DPYD: variants seen among roughly 807,000 people sequenced by gnomAD.
The protein encoded by DPYD is dihydropyrimidine dehydrogenase.
A neutral mutation model predicts 116.2 loss-of-function variants in DPYD; 109 were observed. The observed-to-expected ratio is 0.94, with a 90% CI of 0.80 to 1.10. The LOEUF is 1.10. Among genes scored for constraint, DPYD ranks in the 50% least tolerant of loss-of-function variants. The pLI is 0.00. For missense variants in DPYD, 1,302 were observed against 1,254.5 expected (o/e 1.04, Z -0.57); for synonymous variants, 440 against 432.0 (o/e 1.02, Z -0.23).
intron 20 of DPYD, among the ~76,000 whole-genome samples, chr1:97,136,846 T>G (rs1653843534): frequency 6.6e-6 from 1 of 152,166 alleles, no homozygotes; most frequent in South Asian, 2.1e-4. Context: ...TTTTTTGTTT[T>G]TTTCAATGCC....
chr1:97,725,693 G>A (rs1277059790), intron 4 of DPYD, among the ~76,000 whole-genome samples: 1 of 151,502 alleles, frequency 6.6e-6, no homozygotes, highest in Admixed American at 6.6e-5. Context: ...CAATTCAATT[G>A]GAAAGAATAT....
chr1:97,639,776 C>T (rs1657778009), intron 8 of DPYD, among the ~76,000 whole-genome samples: 1 of 152,118 alleles, frequency 6.6e-6, no homozygotes, highest in Admixed American at 6.6e-5. Context: ...TTCCAATTAT[C>T]TCATTGTTAA....
intron 14 of DPYD, among the ~76,000 whole-genome samples, chr1:97,405,264 A>T (rs947173202): frequency 6.6e-6 from 1 of 152,100 alleles, no homozygotes; most frequent in Non-Finnish European, 1.5e-5. Flanking sequence ...TTTACCTTAA[A>T]TTATTCCTTC....
At chr1:97,848,828 T>C (rs1670436512) in intron 2 of DPYD, among the ~76,000 whole-genome samples, 1 of 152,220 alleles carries the variant, frequency 6.6e-6, no homozygotes, top group Non-Finnish European at 1.5e-5. Flanking sequence ...TCGGGATTTT[T>C]TTCTGTGTAT....
intron 2 of DPYD, among the ~76,000 whole-genome samples, chr1:97,853,597 A>G (rs750758344): frequency 2.0e-5 from 3 of 152,226 alleles, no homozygotes; most frequent in Non-Finnish European, 2.9e-5. Context: ...CTATTAAACC[A>G]TATGAATAAA....
chr1:97,272,602 T>C (rs1557989425), intron 18 of DPYD, among the ~76,000 whole-genome samples: 3 of 152,176 alleles, frequency 2.0e-5, no homozygotes, highest in Non-Finnish European at 4.4e-5. Context: ...AAACTTTCCA[T>C]GGTGCTGAAC....
intron 20 of DPYD, among the ~76,000 whole-genome samples, chr1:97,153,991 ATGT>A (rs137892084): frequency 2.6e-4 from 38 of 147,738 alleles, no homozygotes; most frequent in African/African-American, 8.0e-4. Flanking sequence ...AAAAAAAAAG[ATGT>A]TGGCGTGGAT....
chr1:97,859,181 C>T (rs1371262107), intron 2 of DPYD, among the ~76,000 whole-genome samples: 1 of 152,016 alleles, frequency 6.6e-6, no homozygotes, highest in African/African-American at 2.4e-5. Flanking sequence ...AAGCAATACT[C>T]TTTTTAAATA....
intron 16 of DPYD, among the ~76,000 whole-genome samples, chr1:97,331,026 T>G (rs1012953289): frequency 6.6e-6 from 1 of 152,176 alleles, no homozygotes; most frequent in African/African-American, 2.4e-5. Flanking sequence ...TGCTGACATA[T>G]TTCATATGAT....
At chr1:97,375,303 T>C (rs912279124) in intron 15 of DPYD, among the ~76,000 whole-genome samples, 1 of 152,182 alleles carries the variant, frequency 6.6e-6, no homozygotes, top group Non-Finnish European at 1.5e-5. Context: ...TCCTTCCTAA[T>C]TGTTTAAGAT....
chr1:97,266,772 A>G (rs1479582826), intron 18 of DPYD, among the ~76,000 whole-genome samples: 1 of 151,974 alleles, frequency 6.6e-6, no homozygotes, highest in African/African-American at 2.4e-5. Context: ...GAGTGAGAAC[A>G]TGGGGTGTTT....
chr1:97,862,919 A>G (rs1170129660), intron 2 of DPYD, among the ~76,000 whole-genome samples: 1 of 151,950 alleles, frequency 6.6e-6, no homozygotes, highest in Non-Finnish European at 1.5e-5. Context: ...GGACAAAATC[A>G]TCACATCAAT....
In DPYD at chr1:97,179,985, G is replaced by T. The variant is rs77689306; in HGVS notation, c.2622+13084C>A. Among the ~76,000 whole-genome samples the T allele has an allele frequency of 9.2e-5, 14 of 152,242 alleles. No individual in the cohort carries two copies. The East Asian group carries it at 2.5e-3, about 27-fold the overall frequency. ...AACTGATTTGGTTAAGTGTGAGACT[G>T]CCAATTATTCAGGGCAACTGAAGAT... On this transcript the variant is annotated intron_variant, in intron 20 of 22. Coordinates refer to ENST00000370192, the MANE Select transcript of DPYD (RefSeq NM_000110.4).
At chr1:97,489,613 T>C (rs1678855684) in intron 13 of DPYD, among the ~76,000 whole-genome samples, 1 of 152,182 alleles carries the variant, frequency 6.6e-6, no homozygotes, top group African/African-American at 2.4e-5. Flanking sequence ...CCTATTAAAA[T>C]AAGGATGAAA....
At chr1:97,627,618 T>C (rs1392961009) in intron 8 of DPYD, among the ~76,000 whole-genome samples, 4 of 152,092 alleles carry the variant, frequency 2.6e-5, no homozygotes, top group South Asian at 2.1e-4. Flanking sequence ...TACCCACTTA[T>C]GCTATCATCT....
intron 7 of DPYD, among the ~76,000 whole-genome samples, chr1:97,682,441 T>C (rs1660476019): frequency 1.3e-5 from 2 of 152,138 alleles, no homozygotes; most frequent in South Asian, 4.1e-4. Flanking sequence ...TGGGAACCTA[T>C]TCAAATTTCC....
chr1:97,414,553 T>C (rs1177081799), intron 14 of DPYD, among the ~76,000 whole-genome samples: 1 of 152,186 alleles, frequency 6.6e-6, no homozygotes, highest in African/African-American at 2.4e-5. Flanking sequence ...GAAAATTCAT[T>C]TGGGTTTTTA....
intron 2 of DPYD, among the ~76,000 whole-genome samples, chr1:97,847,100 T>C (rs1451237241): frequency 6.6e-6 from 1 of 152,180 alleles, no homozygotes; most frequent in Non-Finnish European, 1.5e-5. Flanking sequence ...AGAACTGGAC[T>C]ATGTGAATTT....
intron 3 of DPYD, among the ~76,000 whole-genome samples, chr1:97,819,896 A>G (rs980216235): frequency 1.3e-5 from 2 of 152,126 alleles, no homozygotes; most frequent in African/African-American, 4.8e-5. Flanking sequence ...ATATCCATAC[A>G]TATACACACA....
Sources: allele counts gnomAD v4.1 joint callset (sites outside exome capture counted in the v4.1 genomes callset), GRCh38; gene constraint gnomAD v4.1.1; transcripts MANE v1.5; gene names NCBI Gene and HGNC (gene_info 2026-07-23, HGNC 2026-07-21).